SOCS7: variants seen among roughly 807,000 people sequenced by gnomAD.
SOCS7 encodes NAP-4.
A neutral mutation model predicts 58.9 loss-of-function variants in SOCS7; 18 were observed. The ratio of observed to expected loss-of-function variants is 0.31; its 90% CI spans 0.21 to 0.45. The LOEUF (loss-of-function observed/expected upper bound fraction) is 0.45, where lower values mean the gene tolerates loss of function less well. Among genes scored for constraint, SOCS7 ranks in the 20% least tolerant of loss-of-function variants. The pLI is 1.00. For synonymous variants in SOCS7, 388 were observed against 364.3 expected, an observed-to-expected ratio of 1.06 and a Z score of -0.74; for missense variants, 667 against 837.3, an observed-to-expected ratio of 0.80 and a Z score of 2.51.
intron 7 of SOCS7, among the ~76,000 whole-genome samples, chr17:38,387,678 T>G (rs1354624753): frequency 2.3e-5 from 2 of 86,818 alleles, no homozygotes; most frequent in African/African-American, 1.8e-4. Context: ...ACTATATATT[T>G]TATATATTTA....
chr17:38,380,516 G>C (rs1482131087), intron 7 of SOCS7, among the ~76,000 whole-genome samples: 1 of 151,790 alleles, frequency 6.6e-6, no homozygotes, highest in Non-Finnish European at 1.5e-5. Flanking sequence ...TGTAATCCTA[G>C]CTACTCTGGA....
chr17:38,381,690 G>A (rs545273276), intron 7 of SOCS7, among the ~76,000 whole-genome samples: 144 of 152,126 alleles, frequency 9.5e-4, no homozygotes, highest in Non-Finnish European at 1.6e-3. Flanking sequence ...CAGGCTTGGC[G>A]CAGTGGCTCA....
At chr17:38,377,013 T>C (rs1398334236) in intron 6 of SOCS7, among the ~76,000 whole-genome samples, 2 of 152,220 alleles carry the variant, frequency 1.3e-5, no homozygotes, top group African/African-American at 4.8e-5. Context: ...CAATAGGCTG[T>C]ACCACATAGC....
intron 1 of SOCS7, among the ~76,000 whole-genome samples, chr17:38,359,368 T>C (rs973855621): frequency 3.9e-5 from 6 of 152,068 alleles, no homozygotes; most frequent in Admixed American, 3.9e-4. Flanking sequence ...AACCCTCAAG[T>C]ATGGAAGAGG....
intron 6 of SOCS7, among the ~76,000 whole-genome samples, chr17:38,376,992 T>A (rs2037940188): frequency 1.3e-5 from 2 of 152,192 alleles, no homozygotes; most frequent in African/African-American, 2.4e-5. Flanking sequence ...TACAGGTCTG[T>A]AGCCTAGCAG....
rs757955135 is a variant in SOCS7, at chr17:38,365,351, G to A, written c.1194G>A (p.Pro398=). The A allele has an allele frequency of 3.7e-6, 6 of 1,612,936 alleles. No homozygotes were observed. Among genetic ancestry groups the A allele is most frequent in the Admixed American group, 1.7e-5 (1 of 59,848 alleles). ...GTLPTSVLVA[P]MGSSLQSFPL... ...TGCCTACATCTGTCCTTGTGGCTCC[G>A]ATGGGGTCTTCCTTGCAGTCTTTCC... Residue 398 remains proline (P), a synonymous_variant, in exon 4 of 10, where the codon CCG becomes CCA. Coordinates refer to ENST00000612932, the MANE Select transcript of SOCS7 (RefSeq NM_014598.4).
intron 1 of SOCS7, among the ~76,000 whole-genome samples, chr17:38,355,119 G>T (rs1555566676): frequency 6.6e-6 from 1 of 152,134 alleles, no homozygotes; most frequent in African/African-American, 2.4e-5. Flanking sequence ...TAAACGTTTG[G>T]TTGACTGCTG....
At position 38,353,101 on chromosome 17, in the gene SOCS7, A is replaced by G. The variant is rs949243395; in HGVS notation, c.980+69A>G. 2.7e-5 allele frequency: 37 copies of G among 1,379,060 alleles called. No homozygotes were observed. In the African/African-American group the frequency reaches 4.5e-4, roughly 17 times the overall value. 85.4% of individuals were successfully genotyped at this position (1,379,060 alleles called of 1,614,324 possible). A position where few individuals can be genotyped will look rare whatever the true frequency, so the allele number is the denominator to read the frequency against. On this transcript the variant is annotated intron_variant, in intron 1 of 9. Transcript: ENST00000612932. ...TTGGTTTCCCTTTTTATCTATTGCTATCGCGATCCTGACAGTTCTTAAGAT... is the reference window on the plus strand; with the variant it reads ...TTGGTTTCCCTTTTTATCTATTGCTGTCGCGATCCTGACAGTTCTTAAGAT...
In SOCS7 at chr17:38,352,015, C is replaced by T. The variant is rs889499141; in HGVS notation, c.-38C>T. 6.6e-6 allele frequency among the ~76,000 whole-genome samples: 1 copy of T among 151,054 alleles called. No homozygotes were observed. The highest frequency in any genetic ancestry group is 2.4e-5 in the African/African-American group (1 of 41,320). ...GGGCCCGGCCTAGTCCCCACCCCAG[C>T]CCGGCTCCCAGCCGCCCGCCCTCCC... On this transcript the variant is annotated 5_prime_UTR_variant, in exon 1 of 10. Transcript: ENST00000612932. This position sits in a 1 kb window ranked among gnomAD's most constrained non-coding sequence, Gnocchi z 5.5.
rs2038273124 is a variant in SOCS7 at position 38,398,453 on chromosome 17, G to A, written c.*31-1060G>A. On this transcript the variant is annotated intron_variant, in intron 9 of 9. Transcript: ENST00000612932. ...AGACTGGGTTTCACCACGTTTGTCAGTTGGGTCTCAAACTCCTGACCTCAC... is the reference window on the plus strand; with the variant it reads ...AGACTGGGTTTCACCACGTTTGTCAATTGGGTCTCAAACTCCTGACCTCAC... 2.6e-5 allele frequency among the ~76,000 whole-genome samples: 4 copies of A among 151,992 alleles called. No individual in the cohort carries two copies. The South Asian group carries it at 8.3e-4, about 32-fold the overall frequency.
At chr17:38,374,922 G>A (rs1235021778) in intron 6 of SOCS7, among the ~76,000 whole-genome samples, 1 of 152,216 alleles carries the variant, frequency 6.6e-6, no homozygotes, top group Non-Finnish European at 1.5e-5. Context: ...AAAGCAAATG[G>A]TAGAAGAAGA....
At chr17:38,387,153 G>GTGTGTATATAT (rs2038086241) in intron 7 of SOCS7, among the ~76,000 whole-genome samples, 1 of 92,298 alleles carries the variant, frequency 1.1e-5, no homozygotes, top group African/African-American at 5.0e-5. Flanking sequence ...ATATATATAT[G>GTGTGTATATAT]ATTAATTCAG....
chr17:38,368,162 A>G, intron 6 of SOCS7, 112 bp downstream of exon 6: 1 of 941,178 alleles, frequency 1.1e-6, no homozygotes. Context: ...TAGGGGAAAA[A>G]TTATCTTAGA....
In SOCS7 at chr17:38,367,996, C is replaced by T; in HGVS notation, c.1498C>T (p.Leu500Phe). The T allele has an allele frequency of 6.2e-7, 1 of 1,614,134 alleles. No individual in the cohort carries two copies. Among genetic ancestry groups the T allele is most frequent in the Non-Finnish European group, 8.5e-7 (1 of 1,180,022 alleles). ...TTCTGATCCTCGTTACATCCTGAGC[C>T]TCAGTTTCCGATCACAGGGTATCAC... ...DSSDPRYILS[L>F]SFRSQGITHH... Residue 500 changes from leucine to phenylalanine, a missense_variant, in exon 6 of 10, where the codon CTC (leucine) becomes TTC (phenylalanine). By Grantham distance (22) the Leu-to-Phe change is conservative. Transcript: ENST00000612932.
rs777365870 is a variant in SOCS7, at chr17:38,402,070, G to A, written c.*2588G>A. On this transcript the variant is annotated 3_prime_UTR_variant, in exon 10 of 10. Transcript: ENST00000612932. ...AGGTACAAAACAAACCAACTGAGGA[G>A]GTGTGACCCAACCTCACCACCCACC... The A allele has an allele frequency of 6.6e-6, 1 of 152,364 alleles. No individual in the cohort carries two copies. Among genetic ancestry groups the A allele is most frequent in the African/African-American group, 2.4e-5 (1 of 41,466 alleles). 9.4% of individuals were successfully genotyped at this position (152,364 alleles called of 1,614,324 possible). A position where few individuals can be genotyped will look rare whatever the true frequency, so the allele number is the denominator to read the frequency against.
chr17:38,382,785 C>A (rs554971555), intron 7 of SOCS7, among the ~76,000 whole-genome samples: 1 of 152,050 alleles, frequency 6.6e-6, no homozygotes, highest in Non-Finnish European at 1.5e-5. Flanking sequence ...CCACGCTTGG[C>A]GGAATTGGAC....
intron 7 of SOCS7, among the ~76,000 whole-genome samples, chr17:38,386,698 AAGC>A (rs2038072292): frequency 6.6e-6 from 1 of 152,118 alleles, no homozygotes; most frequent in African/African-American, 2.4e-5. Flanking sequence ...CATATAGAAA[AAGC>A]AGGATAAATG....
intron 7 of SOCS7, among the ~76,000 whole-genome samples, chr17:38,392,384 T>C (rs949987222): frequency 1.3e-5 from 2 of 152,238 alleles, no homozygotes; most frequent in Non-Finnish European, 1.5e-5. Flanking sequence ...TTATTAGATG[T>C]ATAAATTACT....
At chr17:38,370,131 G>C (rs531551325) in intron 6 of SOCS7, among the ~76,000 whole-genome samples, 1 of 151,808 alleles carries the variant, frequency 6.6e-6, no homozygotes, top group South Asian at 2.1e-4. Flanking sequence ...CCAAGTAGCT[G>C]GGATTACAGG....
Sources: gnomAD v4.1 joint callset for allele counts (sites outside exome capture counted in the v4.1 genomes callset) on GRCh38, gnomAD v4.1.1 for gene constraint, Gnocchi (gnomAD v3.1) non-coding constraint, MANE v1.5 for transcripts, NCBI Gene and HGNC (gene_info 2026-07-23, HGNC 2026-07-21) for gene names.